Variants in CACNB2 observed in about 807,000 individuals in gnomAD.
The protein encoded by CACNB2 is voltage-dependent L-type calcium channel subunit beta-2.
CACNB2 carries 42 observed loss-of-function variants against 73.3 expected under a neutral mutation model. That is an observed-to-expected ratio of 0.57 (90% CI 0.45 to 0.74). The LOEUF (loss-of-function observed/expected upper bound fraction) is 0.74, where lower values mean the gene tolerates loss of function less well. Among genes scored for constraint, CACNB2 ranks in the 30% least tolerant of loss-of-function variants. CACNB2 has a pLI of 0.00. For missense variants in CACNB2, 940 were observed against 853.0 expected, an observed-to-expected ratio of 1.10 and a Z score of -1.27; for synonymous variants, 348 against 310.3, an observed-to-expected ratio of 1.12 and a Z score of -1.28.
chr10:18,238,941 T>C (rs7898536), intron 2 of CACNB2, among the ~76,000 whole-genome samples: 55,685 of 152,070 alleles, frequency 0.37, 10,860 homozygotes, highest in Non-Finnish European at 0.42. Flanking sequence ...GTCACGAATT[T>C]GCTTTTTAAT....
intron 2 of CACNB2, among the ~76,000 whole-genome samples, chr10:18,285,836 T>C (rs1032725736): frequency 6.6e-6 from 1 of 152,230 alleles, no homozygotes; most frequent in South Asian, 2.1e-4. Context: ...TGGAATAATA[T>C]TGCTGTTCAT....
intron 2 of CACNB2, among the ~76,000 whole-genome samples, chr10:18,241,047 G>A (rs1205831722): frequency 6.6e-6 from 1 of 152,180 alleles, no homozygotes; most frequent in Non-Finnish European, 1.5e-5. Context: ...ATACCTGATT[G>A]CCTCCTTTGG....
At chr10:18,481,209 TATATATATATATATATATATA>T (rs1344474290) in intron 3 of CACNB2, among the ~76,000 whole-genome samples, 149 of 10,946 alleles carry the variant, frequency 0.014, 2 homozygotes, top group Non-Finnish European at 0.019. Flanking sequence ...TATATATATA[TATATATATATATATATATATA>T]TTTTTTTTTT....
At chr10:18,339,071 G>A (rs1237164045) in intron 2 of CACNB2, among the ~76,000 whole-genome samples, 1 of 152,068 alleles carries the variant, frequency 6.6e-6, no homozygotes, top group East Asian at 1.9e-4. Context: ...GCCCCTCGGT[G>A]TAGCTAGGGA....
intron 2 of CACNB2, among the ~76,000 whole-genome samples, chr10:18,321,991 A>G (rs1040426927): frequency 9.9e-5 from 15 of 152,100 alleles, no homozygotes; most frequent in African/African-American, 3.1e-4. Flanking sequence ...TGTCTCTACA[A>G]AAAATTATTA....
chr10:18,434,661 A>G (rs951522400), intron 3 of CACNB2, among the ~76,000 whole-genome samples: 13 of 152,190 alleles, frequency 8.5e-5, no homozygotes. Flanking sequence ...TTGGCCTCCC[A>G]AAGTGCTGAG....
chr10:18,439,947 G>GT (rs2046330958), intron 3 of CACNB2, among the ~76,000 whole-genome samples: 1 of 152,190 alleles, frequency 6.6e-6, no homozygotes, highest in East Asian at 1.9e-4. Context: ...TGTTGTAGCA[G>GT]TAAGTGCTAA....
intron 2 of CACNB2, among the ~76,000 whole-genome samples, chr10:18,252,266 G>A (rs532799744): frequency 6.6e-6 from 1 of 152,322 alleles, no homozygotes; most frequent in Admixed American, 6.5e-5. Flanking sequence ...AAGGAATGCT[G>A]TTCATAAGTT....
At chr10:18,400,984 C>T (rs937132277) in intron 2 of CACNB2, 1 of 1,613,534 alleles carries the variant, frequency 6.2e-7, no homozygotes. Context: ...GCACTGAGAA[C>T]CTGTGCCCGG....
intron 2 of CACNB2, among the ~76,000 whole-genome samples, chr10:18,372,526 C>G (rs1424326400): frequency 6.6e-6 from 1 of 152,120 alleles, no homozygotes; most frequent in Non-Finnish European, 1.5e-5. Context: ...CCTGCTTCAG[C>G]CTACCAAGTA....
At chr10:18,399,609 A>T (rs1009523812) in intron 2 of CACNB2, among the ~76,000 whole-genome samples, 2 of 152,132 alleles carry the variant, frequency 1.3e-5, no homozygotes, top group South Asian at 2.1e-4. Flanking sequence ...TCTCGAACTC[A>T]TGGGCTCAAG....
intron 2 of CACNB2, among the ~76,000 whole-genome samples, chr10:18,228,149 G>A (rs1039227867): frequency 9.9e-5 from 15 of 152,260 alleles, no homozygotes; most frequent in African/African-American, 3.6e-4. Context: ...TAGGCCGGAC[G>A]CGGTGACTCA....
chr10:18,536,243 C>CTTT lies in CACNB2; in HGVS notation c.1302+75_1302+77dup, dbSNP rs904187820. On this transcript the variant is annotated intron_variant, in intron 12 of 13. Transcript: ENST00000324631. ...CATAATCCAGTTACAGAGATCAGAC[C>CTTT]TTTTTTTTTTTTTTTTTTTTTTTTT... 627 of 282,024 alleles carry CTTT rather than the reference C, an allele frequency of 2.2e-3. 5 individuals are homozygous for CTTT. The highest frequency in any genetic ancestry group is 3.9e-3 in the South Asian group (106 of 26,926). The allele number at this position is 282,024 out of a possible 1,614,324, so 17.5% of individuals were successfully genotyped here.
At chr10:18,443,424 G>A (rs536572903) in intron 3 of CACNB2, among the ~76,000 whole-genome samples, 1 of 152,188 alleles carries the variant, frequency 6.6e-6, no homozygotes, top group African/African-American at 2.4e-5. Context: ...CAGGAGCCCA[G>A]GCCTCCTTTC....
Position 18,500,088 on chromosome 10 carries a change from A to T in CACNB2, c.457-724A>T, listed in dbSNP as rs374604010. The stretch of plus-strand genomic sequence containing the variant: ...GAAAAAGTTATCAGCTGTGCCTAGA[A>T]TCTCACTTTACACCAGGAAGTTAGA... On this transcript the variant is annotated intron_variant, in intron 4 of 13. Transcript: ENST00000324631. Among the ~76,000 whole-genome samples, 12 of 152,334 alleles carry T rather than the reference A, an allele frequency of 7.9e-5. No individual in the cohort carries two copies. In the East Asian group the frequency reaches 1.5e-3, roughly 20 times the overall value.
intron 2 of CACNB2, among the ~76,000 whole-genome samples, chr10:18,192,487 A>G (rs1043856843): frequency 6.6e-6 from 1 of 152,160 alleles, no homozygotes; most frequent in Non-Finnish European, 1.5e-5. Flanking sequence ...CACTGGTATT[A>G]CAGGTATGAG....
In CACNB2 at chr10:18,527,307, T is replaced by C. The variant is rs4748482; in HGVS notation, c.945-281T>C. Among the ~76,000 whole-genome samples the C allele has an allele frequency of 0.3, 46,229 of 151,622 alleles. 7,598 individuals are homozygous for C. The highest frequency in any genetic ancestry group is 0.41 in the African/African-American group (16,950 of 41,308). ...AGGAGAATCACTTGAACCTGAAAGG[T>C]GGAGATTGCAGTGAGCCGAGAACGC... On this transcript the variant is annotated intron_variant, in intron 9 of 13. Coordinates refer to ENST00000324631, the MANE Select transcript of CACNB2 (RefSeq NM_201596.3).
chr10:18,203,462 A>T (rs1337642679), intron 2 of CACNB2, among the ~76,000 whole-genome samples: 2 of 152,330 alleles, frequency 1.3e-5, no homozygotes, highest in East Asian at 3.9e-4. Flanking sequence ...GAGAGCAGAA[A>T]AGCTTTCCTT....
At chr10:18,431,526 A>G (rs943410603) in intron 3 of CACNB2, among the ~76,000 whole-genome samples, 1 of 152,228 alleles carries the variant, frequency 6.6e-6, no homozygotes, top group Non-Finnish European at 1.5e-5. Context: ...AAATGTCAAC[A>G]TAAACACAGG....
Sources: allele counts gnomAD v4.1 joint callset (sites outside exome capture counted in the v4.1 genomes callset), GRCh38; gene constraint gnomAD v4.1.1; transcripts MANE v1.5; gene names NCBI Gene and HGNC (gene_info 2026-07-23, HGNC 2026-07-21).